RAD23B: variants seen among roughly 807,000 people sequenced by gnomAD.
The protein encoded by RAD23B is lysine-specific demethylase RAD23B.
In RAD23B, 5 loss-of-function variants were observed where a neutral mutation model predicts 49.1. The ratio of observed to expected loss-of-function variants is 0.10; its 90% CI spans 0.05 to 0.21. The LOEUF is 0.21. Ranked by LOEUF, RAD23B falls within the 10% of genes least tolerant of loss-of-function variation. RAD23B has a pLI of 1.00. For missense variants in RAD23B, 356 were observed against 486.7 expected (o/e 0.73, Z 2.53); for synonymous variants, 184 against 165.4 (o/e 1.11, Z -0.86).
intron 4 of RAD23B, among the ~76,000 whole-genome samples, chr9:107,311,050 T>G (rs755318253): frequency 1.3e-5 from 2 of 152,248 alleles, no homozygotes; most frequent in Non-Finnish European, 2.9e-5. Flanking sequence ...GGCTTGCTCT[T>G]GGTCTTTCAT....
At chr9:107,317,402 C>G (rs1827018902) in intron 5 of RAD23B, among the ~76,000 whole-genome samples, 2 of 151,938 alleles carry the variant, frequency 1.3e-5, no homozygotes, top group Admixed American at 6.6e-5. Context: ...AGCAGACAGA[C>G]AATGGTGGGA....
chr9:107,290,376 T>C (rs1260782521), intron 1 of RAD23B, among the ~76,000 whole-genome samples: 2 of 152,182 alleles, frequency 1.3e-5, no homozygotes, highest in Non-Finnish European at 2.9e-5. Context: ...ACAAACATTT[T>C]TCCCCATCTT....
chr9:107,302,310 A>G (rs773131785), intron 3 of RAD23B, among the ~76,000 whole-genome samples, 196 bp downstream of exon 3: 6 of 152,216 alleles, frequency 3.9e-5, no homozygotes, highest in Non-Finnish European at 8.8e-5. Flanking sequence ...ACATTAAACT[A>G]TAATATAGTT....
intron 1 of RAD23B, among the ~76,000 whole-genome samples, chr9:107,290,200 T>G (rs536512396): frequency 1.6e-4 from 24 of 152,344 alleles, no homozygotes; most frequent in South Asian, 1.0e-3. Flanking sequence ...CGTAGCTACC[T>G]ACCTGCTAGC....
chr9:107,292,634 C>T (rs1833405029), intron 1 of RAD23B, among the ~76,000 whole-genome samples: 1 of 137,720 alleles, frequency 7.3e-6, no homozygotes, highest in Non-Finnish European at 1.5e-5. Context: ...GAGCCAAGAT[C>T]GTGCCACTAC....
At chr9:107,316,015 ATTT>A (rs112565231) in intron 5 of RAD23B, among the ~76,000 whole-genome samples, 1 of 143,696 alleles carries the variant, frequency 7.0e-6, no homozygotes. Context: ...ACTTTTACGA[ATTT>A]TTTTTTTTTT....
chr9:107,300,326 A>T, intron 2 of RAD23B, 104 bp downstream of exon 2: 1 of 1,280,260 alleles, frequency 7.8e-7, no homozygotes, highest in Non-Finnish European at 1.0e-6. Flanking sequence ...CAGAAAAATG[A>T]TTGTACAAAT....
intron 9 of RAD23B, among the ~76,000 whole-genome samples, chr9:107,328,248 T>C (rs1827245631): frequency 6.6e-6 from 1 of 152,182 alleles, no homozygotes; most frequent in East Asian, 1.9e-4. Context: ...ATTTTAAGGG[T>C]TATTTCCAAA....
At chr9:107,294,691 T>C (rs2133068259) in intron 1 of RAD23B, among the ~76,000 whole-genome samples, 1 of 152,352 alleles carries the variant, frequency 6.6e-6, no homozygotes, top group East Asian at 1.9e-4. Context: ...ATGGTTTAAA[T>C]ACCTCTAGGA....
intron 5 of RAD23B, among the ~76,000 whole-genome samples, chr9:107,315,966 C>A (rs895307519): frequency 1.3e-5 from 2 of 151,714 alleles, no homozygotes; most frequent in Non-Finnish European, 2.9e-5. Flanking sequence ...AGACTCTTGA[C>A]TGTCAGCCTG....
At chr9:107,306,698 A>G (rs753846095) in intron 4 of RAD23B, 51 bp downstream of exon 4, 74 of 1,536,318 alleles carry the variant, frequency 4.8e-5, no homozygotes, top group Non-Finnish European at 5.6e-5. Flanking sequence ...GTTTAACAGG[A>G]ACTTCATGCA....
intron 2 of RAD23B, among the ~76,000 whole-genome samples, chr9:107,301,831 A>G (rs1587852303): frequency 6.6e-6 from 1 of 152,092 alleles, no homozygotes; most frequent in East Asian, 1.9e-4. Context: ...GTGAGCCACC[A>G]TGCCCTGCCA....
intron 1 of RAD23B, among the ~76,000 whole-genome samples, chr9:107,288,186 A>T (rs1353182787): frequency 6.6e-6 from 1 of 152,136 alleles, no homozygotes; most frequent in Non-Finnish European, 1.5e-5. Flanking sequence ...TCTTTGAATG[A>T]ACTGAATATA....
intron 1 of RAD23B, chr9:107,284,061 A>T (rs1833220063): frequency 2.0e-6 from 2 of 1,015,962 alleles, no homozygotes; most frequent in South Asian, 4.6e-5. Context: ...CAGGTGGGGG[A>T]GGGAGACGTA....
Position 107,283,604 on chromosome 9 carries a change from C to T in RAD23B, c.-26C>T, listed in dbSNP as rs1351088397. On this transcript the variant is annotated 5_prime_UTR_variant, in exon 1 of 10. Transcript: ENST00000358015. ...CAGCGGCCAGCACCCGGCGCAGGCC[C>T]GGCAGCCGAGCTGCGCGGCGGCACC... 6.1e-6 allele frequency: 9 copies of T among 1,466,416 alleles called. No homozygotes were observed. The highest frequency in any genetic ancestry group is 2.4e-5 in the Admixed American group (1 of 40,824). The allele number at this position is 1,466,416 out of a possible 1,614,324, so 90.8% of individuals were successfully genotyped here.
rs767301542 is a variant in RAD23B, at chr9:107,331,635, CTCATT to C, written c.*1981_*1985del. 3.9e-6 allele frequency: 3 copies of C among 766,668 alleles called. No homozygotes were observed. Among genetic ancestry groups the C allele is most frequent in the South Asian group, 2.8e-5 (2 of 71,106 alleles). 47.5% of individuals were successfully genotyped at this position (766,668 alleles called of 1,614,324 possible). A position where few individuals can be genotyped will look rare whatever the true frequency, so the allele number is the denominator to read the frequency against. On this transcript the variant is annotated 3_prime_UTR_variant, in exon 10 of 10. Transcript: ENST00000358015. ...ATTTCTGATCGGATAATGGAATACT[CTCATT>C]TATTTTATGACATTCTCTGTCTACT... is the stretch of plus-strand genomic sequence containing the variant.
At chr9:107,323,102 CA>C (rs1827141816) in intron 7 of RAD23B, among the ~76,000 whole-genome samples, 1 of 152,192 alleles carries the variant, frequency 6.6e-6, no homozygotes, top group Non-Finnish European at 1.5e-5. Context: ...ACCTCAAAAA[CA>C]ATTCCTGTAT....
At chr9:107,283,992 G>T (rs1276912251) in intron 1 of RAD23B, 14 of 1,106,808 alleles carry the variant, frequency 1.3e-5, no homozygotes, top group African/African-American at 1.7e-5. Flanking sequence ...GGGGCCGGAG[G>T]GGGATGGGAA....
intron 5 of RAD23B, among the ~76,000 whole-genome samples, chr9:107,312,832 C>T (rs1826915288): frequency 6.6e-6 from 1 of 151,736 alleles, no homozygotes; most frequent in Non-Finnish European, 1.5e-5. Context: ...AGCACTTGCC[C>T]CTGATGGTGT....
Sources: gnomAD v4.1 joint callset for allele counts (sites outside exome capture counted in the v4.1 genomes callset) on GRCh38, gnomAD v4.1.1 for gene constraint, MANE v1.5 for transcripts, NCBI Gene and HGNC (gene_info 2026-07-23, HGNC 2026-07-21) for gene names.